SLC3A1: variants seen among roughly 807,000 people sequenced by gnomAD.
SLC3A1 encodes the protein solute carrier family 3 member 1, also known as amino acid transporter heavy chain SLC3A1.
Under a neutral mutation model 60.3 loss-of-function variants are expected in SLC3A1, and 78 were observed. That is an observed-to-expected ratio of 1.29 (90% CI 1.08 to 1.56). The LOEUF (loss-of-function observed/expected upper bound fraction) is 1.56, where lower values mean the gene tolerates loss of function less well. Among genes scored for constraint, SLC3A1 ranks in the 40% most tolerant of loss-of-function variants. SLC3A1 has a pLI of 0.00. For synonymous variants in SLC3A1, 392 were observed against 307.9 expected (o/e 1.27, Z -2.86); for missense variants, 1,172 against 858.9 (o/e 1.36, Z -4.56).
intron 7 of SLC3A1, among the ~76,000 whole-genome samples, 178 bp downstream of exon 7, chr2:44,304,516 G>A (rs1306971023): frequency 1.3e-5 from 2 of 152,338 alleles, no homozygotes; most frequent in South Asian, 4.1e-4. Flanking sequence ...AAGGGAGGGA[G>A]ACTGCCCACT....
chr2:44,279,339 C>A (rs906263178), intron 1 of SLC3A1, among the ~76,000 whole-genome samples: 1 of 152,104 alleles, frequency 6.6e-6, no homozygotes, highest in East Asian at 1.9e-4. Flanking sequence ...TATTCTTGCT[C>A]CCTCCTTTCC....
intron 1 of SLC3A1, among the ~76,000 whole-genome samples, chr2:44,276,625 CTGAGGT>C (rs1339623932): frequency 6.7e-6 from 1 of 148,826 alleles, no homozygotes; most frequent in African/African-American, 2.5e-5. Flanking sequence ...ACTTGGGAGG[CTGAGGT>C]GGGAGGATCG....
At chr2:44,304,801 C>G (rs955127492) in intron 7 of SLC3A1, among the ~76,000 whole-genome samples, 2 of 148,540 alleles carry the variant, frequency 1.3e-5, no homozygotes, top group African/African-American at 2.5e-5. Flanking sequence ...CTGTACTACA[C>G]TCTTGAAAAC....
intron 4 of SLC3A1, among the ~76,000 whole-genome samples, chr2:44,292,265 C>T (rs1572798002): frequency 2.0e-5 from 3 of 152,068 alleles, no homozygotes; most frequent in Admixed American, 6.6e-5. Flanking sequence ...GCGTAGGCTC[C>T]GTTCTGTCCC....
chr2:44,320,396 A>C lies in SLC3A1; in HGVS notation c.1815A>C (p.Leu605Phe). 1.9e-6 allele frequency: 3 copies of C among 1,614,050 alleles called. No homozygotes were observed. Among genetic ancestry groups the C allele is most frequent in the Non-Finnish European group, 2.5e-6 (3 of 1,179,892 alleles). ...TGAATTTTGGAGAATCAACACTGTT[A>C]AATCTACATAATATGATTTCGGGCC... ...VVLNFGESTLLNLHNMISGLP... is the reference protein window; with the variant it reads ...VVLNFGESTLFNLHNMISGLP... The change falls in exon 10 of 10, where the codon TTA becomes TTC. Residue 605 changes from leucine (L) to phenylalanine (F), a missense_variant. Coordinates refer to ENST00000260649, the MANE Select transcript of SLC3A1 (RefSeq NM_000341.4).
Position 44,320,907 on chromosome 2 carries a change from A to G in SLC3A1, c.*268A>G, listed in dbSNP as rs908991445. The G allele has an allele frequency of 4.3e-6, 2 of 464,128 alleles. No homozygotes were observed. The highest frequency in any genetic ancestry group is 3.9e-5 in the African/African-American group (2 of 50,786). The allele number at this position is 464,128 out of a possible 1,614,324, so 28.8% of individuals were successfully genotyped here. ...AACACATTAGGACCCCAGATTATTC[A>G]AAAACTTTAACGAATTTTAAGGGGA... On this transcript the variant is annotated 3_prime_UTR_variant, in exon 10 of 10. Transcript: ENST00000260649.
Position 44,320,858 on chromosome 2 carries a change from A to T in SLC3A1, c.*219A>T, listed in dbSNP as rs1672882002. 3.5e-6 allele frequency: 2 copies of T among 565,646 alleles called. No individual in the cohort carries two copies. Among genetic ancestry groups the T allele is most frequent in the Non-Finnish European group, 6.3e-6 (2 of 318,096 alleles). The allele number at this position is 565,646 out of a possible 1,614,324, so 35.0% of individuals were successfully genotyped here. The stretch of plus-strand genomic sequence containing the variant: ...TATAGGAGCTTATAACTTTATTCAG[A>T]TAGCATCAATCAGGGATGACCAGAA... On this transcript the variant is annotated 3_prime_UTR_variant, in exon 10 of 10. Transcript: ENST00000260649.
chr2:44,306,235 T>C (rs1388844711), intron 7 of SLC3A1, among the ~76,000 whole-genome samples: 3 of 152,320 alleles, frequency 2.0e-5, no homozygotes, highest in Non-Finnish European at 4.4e-5. Context: ...ATGATTTTGA[T>C]ACTTTTCGCA....
downstream of SLC3A1, chr2:44,321,810 G>C: frequency 6.2e-7 from 1 of 1,613,810 alleles, no homozygotes; most frequent in South Asian, 1.1e-5. Flanking sequence ...TCCACTGAGA[G>C]GGCCTTGATA....
At chr2:44,298,329 ACT>A (rs577483269) in intron 4 of SLC3A1, among the ~76,000 whole-genome samples, 56 of 150,970 alleles carry the variant, frequency 3.7e-4, no homozygotes, top group Middle Eastern at 3.4e-3. Flanking sequence ...ACCTCCTCCT[ACT>A]CTTACTTATG....
At chr2:44,316,206 G>A in intron 9 of SLC3A1, 1 of 152,020 alleles carries the variant, frequency 6.6e-6, no homozygotes, top group East Asian at 1.9e-4. Context: ...GCCATAAAAG[G>A]GAGACACCAT....
chr2:44,318,986 CAAT>C (rs1672685965), intron 9 of SLC3A1: 1 of 152,202 alleles, frequency 6.6e-6, no homozygotes, highest in South Asian at 2.1e-4. Flanking sequence ...CTCAAGTAGA[CAAT>C]AATAGCTAAC....
chr2:44,321,537 A>G, downstream of SLC3A1: 1 of 1,528,272 alleles, frequency 6.5e-7, no homozygotes, highest in South Asian at 1.2e-5. Flanking sequence ...TCTTTACCTA[A>G]CCGTGAAGTC....
downstream of SLC3A1, chr2:44,321,895 G>A: frequency 1.9e-6 from 3 of 1,612,902 alleles, no homozygotes; most frequent in East Asian, 2.2e-5. Flanking sequence ...TTAGGGGTCT[G>A]ATAGCCTGGA....
chr2:44,320,382 G>T lies in SLC3A1; in HGVS notation c.1801G>T (p.Glu601Ter). ...CTTTATCGTGGTTCTGAATTTTGGA[G>T]AATCAACACTGTTAAATCTACATAA... ...RIFIVVLNFG[E>*]STLLNLHNMI... The change falls in exon 10 of 10, where the codon GAA (glutamate) becomes TAA (stop). Residue 601 changes from glutamate to a stop codon, truncating the protein, a stop_gained. Transcript: ENST00000260649. LOFTEE classifies it low-confidence loss of function (END_TRUNC). The T allele has an allele frequency of 6.2e-7, 1 of 1,614,048 alleles. No homozygotes were observed. The highest frequency in any genetic ancestry group is 8.5e-7 in the Non-Finnish European group (1 of 1,179,944).
rs774003187 is a variant in SLC3A1, at chr2:44,313,801, ACCACTGTTT to A, written c.1501-33_1501-25del. On this transcript the variant is annotated intron_variant, in intron 8 of 9. Transcript: ENST00000260649. ...AAAGCACATTTCTTCTAATAACCAAACCACTGTTTTCCCTTTCTGGTCTTTTGACATAGA... is the reference window on the plus strand; with the variant it reads ...AAAGCACATTTCTTCTAATAACCAAATCCCTTTCTGGTCTTTTGACATAGA... 3 of 1,500,916 alleles carry A rather than the reference ACCACTGTTT, an allele frequency of 2.0e-6. No individual in the cohort carries two copies. In the African/African-American group the frequency reaches 4.1e-5, roughly 21 times the overall value. 93.0% of individuals were successfully genotyped at this position (1,500,916 alleles called of 1,614,324 possible).
At chr2:44,314,119 TG>T in intron 9 of SLC3A1, 168 bp downstream of exon 9, 2 of 1,486,056 alleles carry the variant, frequency 1.3e-6, no homozygotes, top group Non-Finnish European at 1.8e-6. Context: ...ATCATGCCTT[TG>T]TGAAAATACA....
intron 4 of SLC3A1, among the ~76,000 whole-genome samples, chr2:44,294,373 C>T (rs919702189): frequency 6.6e-5 from 10 of 151,374 alleles, no homozygotes; most frequent in South Asian, 4.2e-4. Flanking sequence ...GATGTGGTGA[C>T]GGGCACCTGT....
In SLC3A1 at chr2:44,320,670, A is replaced by G. The variant is rs1270691381; in HGVS notation, c.*31A>G. On this transcript the variant is annotated 3_prime_UTR_variant, in exon 10 of 10. Transcript: ENST00000260649. ...TTTATGAAGAGATGAAGACACTGGC[A>G]TTTCAGTGGGATTGTAAGCATTTGT... 8 of 1,546,960 alleles carry G rather than the reference A, an allele frequency of 5.2e-6. No homozygotes were observed. The South Asian group carries it at 8.9e-5, about 17-fold the overall frequency.
Sources: allele counts gnomAD v4.1 joint callset (sites outside exome capture counted in the v4.1 genomes callset), GRCh38; gene constraint gnomAD v4.1.1; transcripts MANE v1.5; gene names NCBI Gene and HGNC (gene_info 2026-07-23, HGNC 2026-07-21).